The following CREM variants were observed in gnomAD, a reference collection of about 807,000 sequenced individuals.
CREM encodes cAMP responsive element modulator, also known as cAMP-responsive element modulator.
A neutral mutation model predicts 37.3 loss-of-function variants in CREM; 13 were observed. The observed-to-expected ratio is 0.35, with a 90% CI of 0.23 to 0.55. The LOEUF (loss-of-function observed/expected upper bound fraction) is 0.55. CREM is among the 20% of genes least tolerant of loss of function. The probability of loss-of-function intolerance (pLI) is 0.88; values close to 1 mark genes in which losing one functional copy is unlikely to be tolerated. For missense variants in CREM, 296 were observed against 362.3 expected (o/e 0.82, Z 1.49); for synonymous variants, 124 against 120.2 (o/e 1.03, Z -0.21).
intron 3 of CREM, chr10:35,175,464 GTTAAGT>G: frequency 1.9e-6 from 1 of 527,780 alleles, no homozygotes; most frequent in South Asian, 2.2e-5. Flanking sequence ...AAGAACCATA[GTTAAGT>G]TCTATCTCCA....
chr10:35,144,792 T>C (rs747568107), intron 2 of CREM, among the ~76,000 whole-genome samples: 5 of 151,980 alleles, frequency 3.3e-5, no homozygotes, highest in Non-Finnish European at 5.9e-5. Context: ...TACCCCTCTG[T>C]CCTTAAAGTA....
At chr10:35,141,508 C>T (rs890899480) in intron 2 of CREM, among the ~76,000 whole-genome samples, 1 of 152,058 alleles carries the variant, frequency 6.6e-6, no homozygotes, top group Non-Finnish European at 1.5e-5. Flanking sequence ...GGGTTTCTGG[C>T]TTGAACAACT....
At chr10:35,131,887 G>A (rs1209784364) in intron 1 of CREM, among the ~76,000 whole-genome samples, 2 of 152,138 alleles carry the variant, frequency 1.3e-5, no homozygotes, top group Non-Finnish European at 2.9e-5. Flanking sequence ...AGTGATTCTA[G>A]TCAAGCAAGT....
intron 3 of CREM, among the ~76,000 whole-genome samples, chr10:35,172,127 T>C (rs1302581247): frequency 1.4e-5 from 2 of 147,408 alleles, no homozygotes; most frequent in Admixed American, 6.8e-5. Flanking sequence ...TTAATTTTTT[T>C]CCTTTGTTTT....
At chr10:35,185,775 A>G (rs550125917) in intron 5 of CREM, among the ~76,000 whole-genome samples, 7 of 152,220 alleles carry the variant, frequency 4.6e-5, no homozygotes, top group African/African-American at 7.2e-5. Flanking sequence ...CCTCAGTTCT[A>G]TTGACATTCT....
chr10:35,179,407 A>G, intron 5 of CREM, 131 bp downstream of exon 5: 1 of 1,006,030 alleles, frequency 9.9e-7, no homozygotes, highest in Non-Finnish European at 1.4e-6. Context: ...ACTGTATCAT[A>G]GAATGAAAGT....
chr10:35,174,783 G>A (rs1478935233), intron 3 of CREM, among the ~76,000 whole-genome samples: 1 of 152,240 alleles, frequency 6.6e-6, no homozygotes, highest in East Asian at 1.9e-4. Context: ...AAACCTGGCA[G>A]GTTTTGAGTC....
At chr10:35,138,994 T>C (rs1217442867) in intron 2 of CREM, among the ~76,000 whole-genome samples, 3 of 152,116 alleles carry the variant, frequency 2.0e-5, no homozygotes, top group African/African-American at 7.2e-5. Flanking sequence ...CAAAACAGGT[T>C]GGGATAATAT....
At chr10:35,177,054 A>T (rs1295886076) in intron 3 of CREM, among the ~76,000 whole-genome samples, 1 of 151,090 alleles carries the variant, frequency 6.6e-6, no homozygotes, top group Non-Finnish European at 1.5e-5. Context: ...TAAATGCTGA[A>T]ATTATTTGAA....
At chr10:35,196,195 C>T in intron 6 of CREM, 1 of 1,228,128 alleles carries the variant, frequency 8.1e-7, no homozygotes, top group Admixed American at 1.9e-5. Flanking sequence ...ACTCTTACTC[C>T]ATCCTCTTAC....
At chr10:35,205,371 G>GA (rs2095495457) in intron 6 of CREM, among the ~76,000 whole-genome samples, 1 of 152,170 alleles carries the variant, frequency 6.6e-6, no homozygotes. Context: ...ACCTAAGAAA[G>GA]AAAAATTATC....
At chr10:35,131,456 A>AT (rs770091328) in intron 1 of CREM, among the ~76,000 whole-genome samples, 83 of 151,450 alleles carry the variant, frequency 5.5e-4, no homozygotes, top group African/African-American at 9.2e-4. Context: ...ACAAAAAATG[A>AT]TTTTTTTTTG....
intron 6 of CREM, among the ~76,000 whole-genome samples, chr10:35,199,806 C>T (rs1009512113): frequency 2.6e-5 from 4 of 150,986 alleles, no homozygotes; most frequent in Non-Finnish European, 5.9e-5. Flanking sequence ...TGCAGTGTCA[C>T]GTGAGTACAT....
chr10:35,132,178 G>A (rs1309333919), intron 1 of CREM, among the ~76,000 whole-genome samples: 1 of 147,550 alleles, frequency 6.8e-6, no homozygotes. Flanking sequence ...TCCATCCTGG[G>A]TGATAGAGCG....
chr10:35,206,667 G>A (rs1408679910), intron 6 of CREM, among the ~76,000 whole-genome samples: 1 of 152,124 alleles, frequency 6.6e-6, no homozygotes, highest in Non-Finnish European at 1.5e-5. Flanking sequence ...AATGCATTAG[G>A]ATGCTTTTCT....
Position 35,135,768 on chromosome 10 carries a change from CAAA to C in CREM, c.-54-2013_-54-2011del, listed in dbSNP as rs1367237343. On this transcript the variant is annotated intron_variant, in intron 1 of 7. Coordinates refer to ENST00000685392, the MANE Select transcript of CREM (RefSeq NM_183011.2). ...AGAGAGACATTAAAAAAAAATGAGA[CAAA>C]GAAGATAGAACAAAAGGCTAGATAA... is the stretch of plus-strand genomic sequence containing the variant. Among the ~76,000 whole-genome samples the C allele has an allele frequency of 2.2e-4, 24 of 108,742 alleles. 1 individual carries two copies. Among genetic ancestry groups the C allele is most frequent in the African/African-American group, 5.0e-4 (14 of 28,228 alleles). 71.3% of individuals were successfully genotyped at this position (108,742 alleles called of 152,430 possible). A position where few individuals can be genotyped will look rare whatever the true frequency, so the allele number is the denominator to read the frequency against.
intron 5 of CREM, among the ~76,000 whole-genome samples, chr10:35,184,575 A>G (rs2094474390): frequency 6.6e-6 from 1 of 152,164 alleles, no homozygotes; most frequent in Non-Finnish European, 1.5e-5. Flanking sequence ...TGCCTGACTT[A>G]ATCAGTAGAA....
At chr10:35,206,521 A>G (rs1308579977) in intron 6 of CREM, among the ~76,000 whole-genome samples, 1 of 152,204 alleles carries the variant, frequency 6.6e-6, no homozygotes, top group Admixed American at 6.5e-5. Context: ...ACATCGTGAG[A>G]ATTACTGAAC....
rs150042050 is a variant in CREM, at chr10:35,137,788, TAAAG to T, written c.-44_-41del. 5.4e-4 allele frequency: 777 copies of T among 1,446,920 alleles called. No homozygotes were observed. The highest frequency in any genetic ancestry group is 3.5e-3 in the Admixed American group (157 of 45,020). 89.6% of individuals were successfully genotyped at this position (1,446,920 alleles called of 1,614,324 possible). A position where few individuals can be genotyped will look rare whatever the true frequency, so the allele number is the denominator to read the frequency against. ...CATTATAATTTTACTGCAGGATAAA[TAAAG>T]AAAACAGGAAAGGAGGAAAGCATTG... On this transcript the variant is annotated 5_prime_UTR_variant, in exon 2 of 8. Coordinates refer to ENST00000685392, the MANE Select transcript of CREM (RefSeq NM_183011.2).
Sources: allele counts gnomAD v4.1 joint callset (sites outside exome capture counted in the v4.1 genomes callset), GRCh38; gene constraint gnomAD v4.1.1; transcripts MANE v1.5; gene names NCBI Gene and HGNC (gene_info 2026-07-23, HGNC 2026-07-21).